The following TNRC6A variants were observed in gnomAD, a reference collection of about 807,000 sequenced individuals.
TNRC6A encodes the protein trinucleotide repeat containing adaptor 6A.
A neutral mutation model predicts 221.2 loss-of-function variants in TNRC6A; 44 were observed. The observed-to-expected ratio is 0.20, with a 90% confidence interval of 0.16 to 0.26. TNRC6A has a LOEUF of 0.26. TNRC6A is among the 10% of genes least tolerant of loss of function. The pLI is 1.00. For synonymous variants in TNRC6A, 847 were observed against 838.5 expected (o/e 1.01, Z -0.18); for missense variants, 2,199 against 2,404.4 (o/e 0.91, Z 1.79).
chr16:24,669,508 G>A (rs1016737440), intron 2 of TNRC6A, among the ~76,000 whole-genome samples: 18 of 151,514 alleles, frequency 1.2e-4, no homozygotes, highest in Non-Finnish European at 1.0e-4. Context: ...AAATCCTATA[G>A]CTCCCATAGG....
At chr16:24,797,411 T>G in intron 9 of TNRC6A, 79 bp from the exon 10 acceptor site, 1 of 1,063,410 alleles carries the variant, frequency 9.4e-7, no homozygotes, top group Non-Finnish European at 1.4e-6. Context: ...GGGATTGTCT[T>G]AAGTTTTATT....
At chr16:24,728,395 G>T (rs575691708), upstream of TNRC6A, among the ~76,000 whole-genome samples, 2 of 151,950 alleles carry the variant, frequency 1.3e-5, no homozygotes, top group East Asian at 3.9e-4. Flanking sequence ...TGCGGTGAAC[G>T]GAGATCGCGC....
chr16:24,820,978 C>T (rs181253048), intron 22 of TNRC6A, among the ~76,000 whole-genome samples: 1 of 152,308 alleles, frequency 6.6e-6, no homozygotes, highest in East Asian at 1.9e-4. Context: ...ACCTTGCCTG[C>T]AAACTACCAA....
Position 24,806,631 on chromosome 16 carries a change from A to T in TNRC6A, c.4387A>T (p.Asn1463Tyr), listed in dbSNP as rs777579263. The T allele has an allele frequency of 3.1e-6, 5 of 1,614,074 alleles. No homozygotes were observed. The highest frequency in any genetic ancestry group is 1.7e-5 in the Admixed American group (1 of 60,002). The change falls in exon 17 of 25, where the codon AAC becomes TAC. Residue 1463 changes from asparagine to tyrosine, a missense_variant. By Grantham distance (143) the Asn-to-Tyr change is moderately radical (BLOSUM62 -2). Coordinates refer to ENST00000395799, the MANE Select transcript of TNRC6A (RefSeq NM_014494.4). ...GCAACAATCTCGTCAACTTGATCCA[A>T]ACCTGTTGGTGAAGCAGCAGACTCC... ...MMQQSRQLDP[N>Y]LLVKQQTPPS...
intron 2 of TNRC6A, among the ~76,000 whole-genome samples, chr16:24,679,757 G>A (rs921845626): frequency 1.3e-5 from 2 of 151,830 alleles, no homozygotes; most frequent in African/African-American, 2.4e-5. Flanking sequence ...GATTACAGGC[G>A]TGAGCCACCC....
intron 2 of TNRC6A, among the ~76,000 whole-genome samples, chr16:24,646,630 T>A (rs1648992321): frequency 6.6e-6 from 1 of 152,254 alleles, no homozygotes. Flanking sequence ...TGATAGAAAC[T>A]AATTTTTTCA....
intron 2 of TNRC6A, among the ~76,000 whole-genome samples, chr16:24,660,834 C>T (rs187168643): frequency 1.1e-4 from 16 of 150,748 alleles, no homozygotes; most frequent in Non-Finnish European, 3.0e-5. Context: ...CTCCGCCTCC[C>T]GGGTTCACGC....
At position 24,730,264 on chromosome 16, in the gene TNRC6A, C is replaced by G; in HGVS notation, c.17C>G (p.Ala6Gly). MRELE[A>G]KATKDVERNL... ...TTTTTTTGTTTCAGAGAATTGGAAG[C>G]TAAAGCTACCAAAGACGTAGAAAGA... The change falls in exon 2 of 25, where the codon GCT (alanine) becomes GGT (glycine). Residue 6 changes from alanine (A) to glycine (G), a missense_variant. Physicochemically the swap from Ala to Gly is moderately conservative, Grantham distance 60. This residue lies in a region of TNRC6A where 1,405 missense variants were observed against 1,400.2 expected (regional missense o/e 1.00). Transcript: ENST00000395799. The G allele has an allele frequency of 6.2e-7, 1 of 1,602,878 alleles. No individual in the cohort carries two copies. The highest frequency in any genetic ancestry group is 1.4e-5 in the African/African-American group (1 of 73,964).
intron 1 of TNRC6A, among the ~76,000 whole-genome samples, chr16:24,619,977 A>G: frequency 6.6e-6 from 1 of 152,240 alleles, no homozygotes; most frequent in Admixed American, 6.5e-5. Context: ...CCCAGGCTGT[A>G]TAAAAAATTA....
At chr16:24,770,971 T>G (rs556643776) in intron 4 of TNRC6A, among the ~76,000 whole-genome samples, 2 of 152,296 alleles carry the variant, frequency 1.3e-5, no homozygotes, top group South Asian at 4.1e-4. Flanking sequence ...ATTATGAGTA[T>G]ATAGTGGAGT....
At chr16:24,632,478 A>G (rs146901616) in intron 1 of TNRC6A, among the ~76,000 whole-genome samples, 91 of 152,264 alleles carry the variant, frequency 6.0e-4, no homozygotes, top group African/African-American at 2.2e-3. Flanking sequence ...CCTTCCAAAC[A>G]TATTGCCTGG....
intron 2 of TNRC6A, among the ~76,000 whole-genome samples, chr16:24,696,738 A>AAAATAAAAAT: frequency 6.9e-6 from 1 of 145,504 alleles, no homozygotes; most frequent in South Asian, 2.2e-4. Flanking sequence ...CAAAAAAAAA[A>AAAATAAAAAT]AAAAAAAGAA....
intron 2 of TNRC6A, among the ~76,000 whole-genome samples, chr16:24,709,344 TA>T (rs2056159995): frequency 6.6e-6 from 1 of 152,152 alleles, no homozygotes; most frequent in African/African-American, 2.4e-5. Flanking sequence ...ATTGCTGGAT[TA>T]AATGGTTGAT....
chr16:24,666,596 A>C (rs1555487095), intron 2 of TNRC6A, among the ~76,000 whole-genome samples: 2 of 134,264 alleles, frequency 1.5e-5, no homozygotes, highest in Non-Finnish European at 3.1e-5. Flanking sequence ...AGCTATTGGC[A>C]CTGCACTCCA....
At chr16:24,687,884 C>CAGAAGAAGAAGAAGAAGA (rs1567357177) in intron 2 of TNRC6A, among the ~76,000 whole-genome samples, 1 of 112,034 alleles carries the variant, frequency 8.9e-6, no homozygotes, top group Non-Finnish European at 1.7e-5. Flanking sequence ...GAAGAAGAAG[C>CAGAAGAAGAAGAAGAAGA]AGCTTATTCC....
intron 2 of TNRC6A, among the ~76,000 whole-genome samples, chr16:24,735,529 A>G (rs955945150): frequency 6.6e-6 from 1 of 152,222 alleles, no homozygotes; most frequent in Non-Finnish European, 1.5e-5. Flanking sequence ...CCAACCCAAT[A>G]TGCTTTTTTT....
At chr16:24,680,844 A>G (rs1321269901) in intron 2 of TNRC6A, among the ~76,000 whole-genome samples, 4 of 151,868 alleles carry the variant, frequency 2.6e-5, no homozygotes. Flanking sequence ...ACTGCAACCA[A>G]CCTCTGCCTT....
At chr16:24,613,527 T>C (rs1900185749) in intron 1 of TNRC6A, among the ~76,000 whole-genome samples, 1 of 113,606 alleles carries the variant, frequency 8.8e-6, no homozygotes. Flanking sequence ...TTATTTTATT[T>C]TATTTACTTA....
Position 24,789,956 on chromosome 16 carries a change from A to G in TNRC6A, c.1314A>G (p.Ser438=), listed in dbSNP as rs1181717666. The G allele has an allele frequency of 1.2e-6, 2 of 1,614,012 alleles. No individual in the cohort carries two copies. Among genetic ancestry groups the G allele is most frequent in the African/African-American group, 1.3e-5 (1 of 74,952 alleles). Residue 438 remains serine, a synonymous_variant, in exon 6 of 25, where the codon TCA becomes TCG. Transcript: ENST00000395799. Reference sequence around the variant, plus strand: ...AAGTAAGTGGTACACAGAAGGTTTCATTCAGTGGTCAACCTCAAAATATTA... The same window carrying G: ...AAGTAAGTGGTACACAGAAGGTTTCGTTCAGTGGTCAACCTCAAAATATTA... The part of the protein sequence containing the change: ...ESEVSGTQKV[S]FSGQPQNITT...
Sources: gnomAD v4.1 joint callset for allele counts (sites outside exome capture counted in the v4.1 genomes callset) on GRCh38, gnomAD v4.1.1 for gene constraint, gnomAD v4.1.1 regional missense constraint, MANE v1.5 for transcripts, NCBI Gene and HGNC (gene_info 2026-07-23, HGNC 2026-07-21) for gene names.